The following RERE variants were observed in gnomAD, a reference collection of about 807,000 sequenced individuals.
The protein encoded by RERE is arginine-glutamic acid dipeptide repeats protein.
A neutral mutation model predicts 146.1 loss-of-function variants in RERE; 40 were observed. That is an observed-to-expected ratio of 0.27 (90% CI 0.21 to 0.36). The LOEUF (loss-of-function observed/expected upper bound fraction) is 0.36. Among genes scored for constraint, RERE ranks in the 10% least tolerant of loss-of-function variants. The probability of loss-of-function intolerance (pLI) is 1.00; values close to 1 mark genes in which losing one functional copy is unlikely to be tolerated. For missense variants in RERE, 1,933 were observed against 2,138.7 expected, an observed-to-expected ratio of 0.90 and a Z score of 1.90; for synonymous variants, 1,003 against 866.0, an observed-to-expected ratio of 1.16 and a Z score of -2.78.
At chr1:8,658,899 T>C (rs1428101606) in intron 1 of RERE, among the ~76,000 whole-genome samples, 1 of 152,198 alleles carries the variant, frequency 6.6e-6, no homozygotes, top group African/African-American at 2.4e-5. Flanking sequence ...GCATCTCAAA[T>C]ATCCTTAGAC....
chr1:8,398,855 T>C lies in RERE; in HGVS notation c.1284+23872A>G, dbSNP rs1007858038. 1.4e-4 allele frequency among the ~76,000 whole-genome samples: 21 copies of C among 152,202 alleles called. 1 individual carries two copies. The highest frequency in any genetic ancestry group is 2.4e-5 in the African/African-American group (1 of 41,442). ...ACTTCATATCTCAACAACAAACAGGTGCATCAATGTGCGCGGCCACTAGGA... is the reference window on the plus strand; with the variant it reads ...ACTTCATATCTCAACAACAAACAGGCGCATCAATGTGCGCGGCCACTAGGA... On this transcript the variant is annotated intron_variant, in intron 12 of 22. Transcript: ENST00000400908.
intron 12 of RERE, among the ~76,000 whole-genome samples, chr1:8,395,565 A>C (rs1256783780): frequency 1.3e-5 from 2 of 151,676 alleles, no homozygotes; most frequent in Non-Finnish European, 2.9e-5. Flanking sequence ...AGGCACCTGG[A>C]GACATTTGAA....
intron 1 of RERE, among the ~76,000 whole-genome samples, chr1:8,730,412 G>A (rs1210574952): frequency 6.6e-6 from 1 of 151,826 alleles, no homozygotes. Flanking sequence ...GCGCGATCTC[G>A]GCTCACCGCG....
intron 11 of RERE, among the ~76,000 whole-genome samples, chr1:8,436,457 T>C (rs1334854434): frequency 6.6e-6 from 1 of 152,194 alleles, no homozygotes; most frequent in Admixed American, 6.5e-5. Flanking sequence ...TCCTAAGTTA[T>C]GTCATTAAAA....
At chr1:8,533,118 C>A (rs1268236544) in intron 7 of RERE, among the ~76,000 whole-genome samples, 4 of 152,202 alleles carry the variant, frequency 2.6e-5, no homozygotes, top group African/African-American at 9.7e-5. Context: ...AGAAGGTATG[C>A]AGTTTTTACC....
intron 1 of RERE, among the ~76,000 whole-genome samples, chr1:8,761,509 C>G (rs1335616155): frequency 6.6e-6 from 1 of 152,304 alleles, no homozygotes; most frequent in South Asian, 2.1e-4. Flanking sequence ...ATGCTTCACA[C>G]CTCCCCCACA....
Position 8,480,105 on chromosome 1 carries a change from T to C in RERE, c.1105-14082A>G, listed in dbSNP as rs970810973. Among the ~76,000 whole-genome samples, 5 of 151,402 alleles carry C rather than the reference T, an allele frequency of 3.3e-5. No homozygotes were observed. The South Asian group carries it at 1.0e-3, about 31-fold the overall frequency. On this transcript the variant is annotated intron_variant, in intron 10 of 22. Coordinates refer to ENST00000400908, the MANE Select transcript of RERE (RefSeq NM_001042681.2). ...ATTACCAAATAAATAAATGAATATA[T>C]GATTTTATTAAAGCCTTTTTTTGTT...
chr1:8,485,719 G>T (rs1426200988), intron 10 of RERE, among the ~76,000 whole-genome samples: 1 of 151,428 alleles, frequency 6.6e-6, no homozygotes, highest in African/African-American at 2.4e-5. Flanking sequence ...AAGTGTTCAT[G>T]TGTCTAATAA....
At chr1:8,495,673 T>A (rs1392222945) in intron 9 of RERE, among the ~76,000 whole-genome samples, 1 of 152,212 alleles carries the variant, frequency 6.6e-6, no homozygotes, top group Non-Finnish European at 1.5e-5. Flanking sequence ...TTTAGTCAGA[T>A]CCATTTGTAT....
chr1:8,750,998 C>A, intron 1 of RERE: 1 of 657,922 alleles, frequency 1.5e-6, no homozygotes, highest in Non-Finnish European at 2.8e-6. Flanking sequence ...GGATCTGATT[C>A]ATGAGATCTA....
chr1:8,494,277 C>T (rs1645015039), intron 10 of RERE, among the ~76,000 whole-genome samples: 1 of 152,202 alleles, frequency 6.6e-6, no homozygotes, highest in African/African-American at 2.4e-5. Flanking sequence ...AGTTTAGCTT[C>T]TTCCCATCCC....
At chr1:8,395,812 G>A (rs1643035902) in intron 12 of RERE, among the ~76,000 whole-genome samples, 2 of 152,176 alleles carry the variant, frequency 1.3e-5, no homozygotes, top group Non-Finnish European at 2.9e-5. Context: ...TGGGGGCACA[G>A]GAGGAAGTAT....
chr1:8,398,221 C>T (rs182701249), intron 12 of RERE, among the ~76,000 whole-genome samples: 3 of 152,326 alleles, frequency 2.0e-5, no homozygotes, highest in Admixed American at 2.0e-4. Context: ...GACAGGAAGC[C>T]TGAGTGTTTG....
chr1:8,633,330 G>A (rs1487548195), intron 2 of RERE, among the ~76,000 whole-genome samples: 1 of 152,146 alleles, frequency 6.6e-6, no homozygotes, highest in Non-Finnish European at 1.5e-5. Flanking sequence ...GGTTGAGGTG[G>A]GAGGATCACT....
intron 10 of RERE, among the ~76,000 whole-genome samples, chr1:8,471,777 G>A (rs2124150113): frequency 6.6e-6 from 1 of 152,178 alleles, no homozygotes; most frequent in Non-Finnish European, 1.5e-5. Flanking sequence ...ACCTCCTGAA[G>A]TGCTGGGATT....
intron 11 of RERE, among the ~76,000 whole-genome samples, chr1:8,436,328 A>C (rs1337140580): frequency 6.6e-6 from 1 of 152,092 alleles, no homozygotes; most frequent in Admixed American, 6.5e-5. Context: ...CAAATAAATA[A>C]ATAAAAAATA....
At chr1:8,690,954 G>A (rs1415178304) in intron 1 of RERE, among the ~76,000 whole-genome samples, 1 of 152,042 alleles carries the variant, frequency 6.6e-6, no homozygotes, top group African/African-American at 2.4e-5. Context: ...CTGGAATGCA[G>A]TGGTGCAATC....
chr1:8,761,804 C>A (rs896060401), intron 1 of RERE, among the ~76,000 whole-genome samples: 2 of 152,102 alleles, frequency 1.3e-5, no homozygotes, highest in East Asian at 3.9e-4. Flanking sequence ...TGCCTGTAAT[C>A]CCAGCTACTC....
Position 8,762,995 on chromosome 1 carries a change from G to C in RERE, c.-145+54165C>G, listed in dbSNP as rs116315259. Among the ~76,000 whole-genome samples the C allele has an allele frequency of 5.8e-3, 884 of 152,132 alleles. 10 individuals carry two copies. Among genetic ancestry groups the C allele is most frequent in the African/African-American group, 0.02 (841 of 41,512 alleles). On this transcript the variant is annotated intron_variant, in intron 1 of 22. Coordinates refer to ENST00000400908, the MANE Select transcript of RERE (RefSeq NM_001042681.2). ...CTCAATCAGCAAAAATCTAGGCATG[G>C]AAGACTAAAAGAAGTTAGGGTCCAG...
Sources: allele counts gnomAD v4.1 joint callset (sites outside exome capture counted in the v4.1 genomes callset), GRCh38; gene constraint gnomAD v4.1.1; transcripts MANE v1.5; gene names NCBI Gene and HGNC (gene_info 2026-07-23, HGNC 2026-07-21).